Variants in SLC25A26 observed in about 807,000 individuals in gnomAD.
SLC25A26 encodes the protein mitochondrial S-adenosylmethionine carrier protein.
Under a neutral mutation model 37.8 loss-of-function variants are expected in SLC25A26, and 36 were observed. That is an observed-to-expected ratio of 0.95 (90% CI 0.73 to 1.26). The LOEUF (loss-of-function observed/expected upper bound fraction) is 1.26, where lower values mean the gene tolerates loss of function less well. Ranked by LOEUF, SLC25A26 falls within the 50% of genes most tolerant of loss-of-function variation. SLC25A26 has a pLI of 0.00. For synonymous variants in SLC25A26, 129 were observed against 122.5 expected (o/e 1.05, Z -0.35); for missense variants, 390 against 331.1 (o/e 1.18, Z -1.38).
At chr3:66,242,043 C>G (rs2107100556) in intron 2 of SLC25A26, among the ~76,000 whole-genome samples, 1 of 152,132 alleles carries the variant, frequency 6.6e-6, no homozygotes, top group African/African-American at 2.4e-5. Flanking sequence ...TAGAGGCCTT[C>G]TTGGATGCCA....
intron 6 of SLC25A26, among the ~76,000 whole-genome samples, chr3:66,350,041 G>A (rs374361289): frequency 3.2e-4 from 48 of 152,280 alleles, no homozygotes; most frequent in African/African-American, 1.1e-3. Flanking sequence ...GAAGTAGACA[G>A]TTTTTGGAAC....
chr3:66,319,859 T>A (rs2075647193), intron 5 of SLC25A26, among the ~76,000 whole-genome samples: 1 of 146,730 alleles, frequency 6.8e-6, no homozygotes, highest in Non-Finnish European at 1.5e-5. Flanking sequence ...GTTCAAACGA[T>A]TCTCCTGCCT....
chr3:66,285,827 C>T (rs1303819139), intron 5 of SLC25A26, among the ~76,000 whole-genome samples: 1 of 152,026 alleles, frequency 6.6e-6, no homozygotes, highest in Admixed American at 6.6e-5. Context: ...ACCACATTGC[C>T]CTTCTGGGAG....
chr3:66,288,647 G>A (rs2074597557), intron 5 of SLC25A26, among the ~76,000 whole-genome samples: 1 of 152,082 alleles, frequency 6.6e-6, no homozygotes, highest in Admixed American at 6.6e-5. Flanking sequence ...CCCTGCAAAG[G>A]ACATGAACTC....
At chr3:66,175,107 G>GTA (rs1201695553) in intron 1 of SLC25A26, among the ~76,000 whole-genome samples, 3,399 of 79,418 alleles carry the variant, frequency 0.043, 69 homozygotes, top group Non-Finnish European at 0.046. Context: ...ATATGTGTGT[G>GTA]TGTATATATA....
chr3:66,376,842 C>T (rs551444786), intron 9 of SLC25A26, among the ~76,000 whole-genome samples: 1 of 152,324 alleles, frequency 6.6e-6, no homozygotes, highest in African/African-American at 2.4e-5. Context: ...GGGCTTAAGA[C>T]ACATCCCTGG....
intron 5 of SLC25A26, among the ~76,000 whole-genome samples, chr3:66,299,879 T>C (rs954355495): frequency 6.6e-6 from 1 of 152,200 alleles, no homozygotes; most frequent in African/African-American, 2.4e-5. Flanking sequence ...CATACTGCTT[T>C]TTCACATTTT....
chr3:66,246,854 A>G (rs1212625721), intron 3 of SLC25A26, among the ~76,000 whole-genome samples: 3 of 152,000 alleles, frequency 2.0e-5, no homozygotes, highest in Non-Finnish European at 4.4e-5. Flanking sequence ...GGCAATTCCT[A>G]GAGAATCTTT....
chr3:66,165,238 A>T (rs1037143199), intron 1 of SLC25A26, among the ~76,000 whole-genome samples: 2 of 152,170 alleles, frequency 1.3e-5, no homozygotes, highest in African/African-American at 4.8e-5. Context: ...CTGGAAGTAG[A>T]TTCTCTAGCC....
At chr3:66,295,604 T>A (rs1423592745) in intron 5 of SLC25A26, among the ~76,000 whole-genome samples, 1 of 151,904 alleles carries the variant, frequency 6.6e-6, no homozygotes, top group East Asian at 2.0e-4. Flanking sequence ...GGTTTCACCA[T>A]GTTAGCTAGA....
intron 1 of SLC25A26, among the ~76,000 whole-genome samples, chr3:66,227,615 G>A (rs1553661224): frequency 6.6e-6 from 1 of 152,166 alleles, no homozygotes; most frequent in Admixed American, 6.5e-5. Context: ...AGTAAATCAT[G>A]GTAACTGAAA....
At chr3:66,339,431 T>G (rs2076157723) in intron 5 of SLC25A26, among the ~76,000 whole-genome samples, 1 of 152,042 alleles carries the variant, frequency 6.6e-6, no homozygotes, top group Non-Finnish European at 1.5e-5. Context: ...TACCACTTAA[T>G]TTTTTTGAAG....
intron 1 of SLC25A26, among the ~76,000 whole-genome samples, chr3:66,155,507 C>A (rs1469850507): frequency 6.6e-6 from 1 of 151,988 alleles, no homozygotes; most frequent in African/African-American, 2.4e-5. Context: ...CTGAGCAAGA[C>A]CCTGTCTCCA....
At chr3:66,374,946 G>A (rs1419019571) in intron 9 of SLC25A26, among the ~76,000 whole-genome samples, 1 of 152,176 alleles carries the variant, frequency 6.6e-6, no homozygotes, top group Non-Finnish European at 1.5e-5. Context: ...AAGGCATGTG[G>A]AAAGCTGAGA....
intron 1 of SLC25A26, among the ~76,000 whole-genome samples, chr3:66,141,650 T>TATG (rs1380054930): frequency 6.6e-6 from 1 of 152,120 alleles, no homozygotes; most frequent in Non-Finnish European, 1.5e-5. Context: ...GTAGCTGGGA[T>TATG]TACAGGCATA....
chr3:66,172,411 A>G lies in SLC25A26; in HGVS notation c.-354+38427A>G, dbSNP rs1465365298. The stretch of plus-strand genomic sequence containing the variant: ...GGGCCAGAGAGTGATACCTGTAAAG[A>G]AAAAAAAAAAAAAAAAAAAGGAAAA... On this transcript the variant is annotated intron_variant, in intron 1 of 10. Transcript: ENST00000676754. Among the ~76,000 whole-genome samples, 6 of 61,622 alleles carry G rather than the reference A, an allele frequency of 9.7e-5. No homozygotes were observed. The South Asian group carries it at 1.3e-3, about 13-fold the overall frequency. The allele number at this position is 61,622 out of a possible 152,430, so 40.4% of individuals were successfully genotyped here.
chr3:66,185,738 T>A (rs2070813605), intron 1 of SLC25A26, among the ~76,000 whole-genome samples: 1 of 152,150 alleles, frequency 6.6e-6, no homozygotes, highest in Admixed American at 6.5e-5. Context: ...ACTATTAACC[T>A]CACACTGACC....
At chr3:66,355,937 T>C in intron 6 of SLC25A26, 1 of 444,626 alleles carries the variant, frequency 2.2e-6, no homozygotes, top group Non-Finnish European at 4.5e-6. Flanking sequence ...TGTCATGTGA[T>C]GTTACTAATT....
Position 66,150,603 on chromosome 3 carries a change from G to GATAT in SLC25A26, c.-354+16668_-354+16671dup, listed in dbSNP as rs1169750069. On this transcript the variant is annotated intron_variant, in intron 1 of 10. Coordinates refer to the SLC25A26 transcript ENST00000676754. ...ATATCATGATATATATATGTAATGAGATATATATATATATATATATATATA... is the reference window on the plus strand; with the variant it reads ...ATATCATGATATATATATGTAATGAGATATATATATATATATATATATATATATA... Among the ~76,000 whole-genome samples, 65 of 26,084 alleles carry GATAT rather than the reference G, an allele frequency of 2.5e-3. 2 individuals are homozygous for GATAT. Among genetic ancestry groups the GATAT allele is most frequent in the Non-Finnish European group, 3.1e-3 (42 of 13,464 alleles). The allele number at this position is 26,084 out of a possible 152,430, so 17.1% of individuals were successfully genotyped here.
Sources: gnomAD v4.1 joint callset for allele counts (sites outside exome capture counted in the v4.1 genomes callset) on GRCh38, gnomAD v4.1.1 for gene constraint, MANE v1.5 for transcripts, NCBI Gene and HGNC (gene_info 2026-07-23, HGNC 2026-07-21) for gene names.